The following MYOM1 variants were observed in gnomAD, a reference collection of about 807,000 sequenced individuals.
MYOM1 encodes myomesin-1.
A neutral mutation model predicts 205.3 loss-of-function variants in MYOM1; 164 were observed. The ratio of observed to expected loss-of-function variants is 0.80; its 90% CI spans 0.70 to 0.91. MYOM1 has a LOEUF of 0.91. Among genes scored for constraint, MYOM1 ranks in the 40% least tolerant of loss-of-function variants. The pLI is 0.00. For missense variants in MYOM1, 2,011 were observed against 2,127.3 expected, an observed-to-expected ratio of 0.95 and a Z score of 1.08; for synonymous variants, 772 against 789.4, an observed-to-expected ratio of 0.98 and a Z score of 0.37.
intron 34 of MYOM1, among the ~76,000 whole-genome samples, chr18:3,076,958 C>T (rs1451702852): frequency 1.3e-5 from 2 of 151,486 alleles, no homozygotes; most frequent in African/African-American, 2.4e-5. Context: ...GTGATCCACC[C>T]GCTTTGGCCT....
chr18:3,187,650 A>T lies in MYOM1; in HGVS notation c.772-13T>A. On this transcript the variant is annotated splice_polypyrimidine_tract_variant and intron_variant, in intron 4 of 37. Coordinates refer to ENST00000356443, the MANE Select transcript of MYOM1 (RefSeq NM_003803.4). ...CGGTTTCTTCTAACTGAAAAAACAA[A>T]TATGCAAACAAACATATTACCAAAA... The T allele has an allele frequency of 6.3e-7, 1 of 1,575,232 alleles. No individual in the cohort carries two copies.
intron 2 of MYOM1, among the ~76,000 whole-genome samples, chr18:3,204,828 G>A (rs2081109940): frequency 6.6e-6 from 1 of 152,002 alleles, no homozygotes; most frequent in African/African-American, 2.4e-5. Context: ...TTTTTATAAA[G>A]CAACAGTAGC....
In MYOM1 at chr18:3,135,256, G is replaced by A. The variant is rs2079939015; in HGVS notation, c.2209+291C>T. The A allele has an allele frequency of 3.3e-6, 1 of 306,184 alleles. No homozygotes were observed. The highest frequency in any genetic ancestry group is 2.2e-5 in the African/African-American group (1 of 46,342). The allele number at this position is 306,184 out of a possible 1,614,324, so 19.0% of individuals were successfully genotyped here. A position where few individuals can be genotyped will look rare whatever the true frequency, so the allele number is the denominator to read the frequency against. On this transcript the variant is annotated intron_variant, in intron 15 of 37. Coordinates refer to ENST00000356443, the MANE Select transcript of MYOM1 (RefSeq NM_003803.4). This position sits in a 1 kb window ranked among gnomAD's most constrained non-coding sequence, Gnocchi z 4.1. Reference sequence around the variant, plus strand: ...TGAGCCACCGCGCCTGGCCTACATTGTATTTTTTAAAGCAAAAAATTTTAA... The same window carrying A: ...TGAGCCACCGCGCCTGGCCTACATTATATTTTTTAAAGCAAAAAATTTTAA...
At chr18:3,157,679 A>AT (rs1177866914) in intron 10 of MYOM1, among the ~76,000 whole-genome samples, 3 of 94,168 alleles carry the variant, frequency 3.2e-5, no homozygotes, top group Non-Finnish European at 6.2e-5. Flanking sequence ...CTTGTCTCCA[A>AT]AAATAATAAT....
At chr18:3,232,431 T>C in the MYOM1 span, among the ~76,000 whole-genome samples, 1 of 151,546 alleles carries the variant, frequency 6.6e-6, no homozygotes, top group African/African-American at 2.4e-5. Context: ...AGCAGATCAG[T>C]GGTTGTGTGG....
At chr18:3,172,612 C>T (rs905977315) in intron 8 of MYOM1, among the ~76,000 whole-genome samples, 10 of 152,066 alleles carry the variant, frequency 6.6e-5, no homozygotes, top group Admixed American at 1.3e-4. Flanking sequence ...CCAGTTCAAG[C>T]GATTCTCCTG....
At chr18:3,096,270 C>T (rs1294550486) in intron 25 of MYOM1, among the ~76,000 whole-genome samples, 1 of 152,154 alleles carries the variant, frequency 6.6e-6, no homozygotes, top group African/African-American at 2.4e-5. Flanking sequence ...TGTTCTTCCC[C>T]TCTAAAATCA....
Position 3,119,994 on chromosome 18 carries a change from A to C in MYOM1, c.2993T>G (p.Ile998Ser). 4 of 1,592,818 alleles carry C rather than the reference A, an allele frequency of 2.5e-6. No individual in the cohort carries two copies. The highest frequency in any genetic ancestry group is 3.4e-6 in the Non-Finnish European group (4 of 1,169,052). ...CACCATGTTTTCCTTCAAGTTGCTA[A>C]TCTGCAACATTGACAACATCACAGA... ...VKAVSEEAYKISNLKENMVYQ... is the reference protein window; with the variant it reads ...VKAVSEEAYKSSNLKENMVYQ... Residue 998 changes from isoleucine to serine, a missense_variant and splice_region_variant, in exon 20 of 38, where the codon ATT becomes AGT. By Grantham distance (142) the Ile-to-Ser change is moderately radical. Coordinates refer to ENST00000356443, the MANE Select transcript of MYOM1 (RefSeq NM_003803.4).
chr18:3,083,427 C>CTTTTTCTTTTTTTT (rs2079110162), intron 33 of MYOM1, among the ~76,000 whole-genome samples: 1 of 98,526 alleles, frequency 1.0e-5, no homozygotes, highest in African/African-American at 4.2e-5. Flanking sequence ...TTTTCTTTTT[C>CTTTTTCTTTTTTTT]TTTTTTTTTT....
In MYOM1 at chr18:3,179,479, C is replaced by A. The variant is rs549010309; in HGVS notation, c.930-3345G>T. ...TTGGATGATTTTAAATAAATGCACA[C>A]GAAGAAAGTAAGTTGACAGTCTCAG... On this transcript the variant is annotated intron_variant, in intron 5 of 37. Coordinates refer to ENST00000356443, the MANE Select transcript of MYOM1 (RefSeq NM_003803.4). The surrounding 1 kb of genome is among the most constrained non-coding windows in gnomAD (Gnocchi z 4.4). Among the ~76,000 whole-genome samples the A allele has an allele frequency of 1.3e-5, 2 of 152,084 alleles. No homozygotes were observed. Among genetic ancestry groups the A allele is most frequent in the African/African-American group, 4.8e-5 (2 of 41,396 alleles).
intron 25 of MYOM1, among the ~76,000 whole-genome samples, chr18:3,096,166 C>T (rs892809033): frequency 2.6e-5 from 4 of 152,158 alleles, no homozygotes; most frequent in African/African-American, 7.2e-5. Context: ...AGATAGCCCA[C>T]ATCACAGTCA....
chr18:3,095,245 C>T (rs1191577378), intron 25 of MYOM1, among the ~76,000 whole-genome samples: 5 of 151,922 alleles, frequency 3.3e-5, no homozygotes, highest in Non-Finnish European at 5.9e-5. Context: ...ACCTCGTGTC[C>T]CTCACCTGCT....
At position 3,100,389 on chromosome 18, in the gene MYOM1, A is replaced by G; in HGVS notation, c.3613T>C (p.Leu1205=). 6.2e-7 allele frequency: 1 copy of G among 1,613,946 alleles called. No homozygotes were observed. The highest frequency in any genetic ancestry group is 8.5e-7 in the Non-Finnish European group (1 of 1,179,870). ...MTFKDLGMDD[L]GIYSCDVTDT... ...GTTACATCGCAAGAGTAAATACCCA[A>G]GTCATCCATCCCAAGGTCTTTGAAG... The change falls in exon 24 of 38, where the codon TTG becomes CTG. Residue 1205 remains leucine, a synonymous_variant. Coordinates refer to ENST00000356443, the MANE Select transcript of MYOM1 (RefSeq NM_003803.4).
intron 19 of MYOM1, among the ~76,000 whole-genome samples, chr18:3,124,584 C>T (rs2079751105): frequency 6.6e-6 from 1 of 151,924 alleles, no homozygotes; most frequent in African/African-American, 2.4e-5. Context: ...CTGCCTCGGC[C>T]TCCCAAAGTG....
intron 37 of MYOM1, among the ~76,000 whole-genome samples, chr18:3,067,986 A>G (rs1001458484): frequency 6.6e-6 from 1 of 152,158 alleles, no homozygotes; most frequent in Non-Finnish European, 1.5e-5. Flanking sequence ...AGAGCCGGGC[A>G]GCAGAATCAC....
At chr18:3,154,048 G>A (rs1262981147) in intron 11 of MYOM1, among the ~76,000 whole-genome samples, 1 of 152,022 alleles carries the variant, frequency 6.6e-6, no homozygotes, top group African/African-American at 2.4e-5. Context: ...TTGATTTTTT[G>A]TTGTTACTTC....
chr18:3,227,454 G>A, the MYOM1 span, among the ~76,000 whole-genome samples: 1 of 152,176 alleles, frequency 6.6e-6, no homozygotes, highest in Non-Finnish European at 1.5e-5. Flanking sequence ...GTTGCCAGGG[G>A]CTGGGGAAAG....
intron 8 of MYOM1, among the ~76,000 whole-genome samples, chr18:3,171,327 C>A (rs1042011182): frequency 6.6e-6 from 1 of 152,108 alleles, no homozygotes; most frequent in African/African-American, 2.4e-5. Context: ...TCTTGCACAG[C>A]GCTGGGAGGC....
the MYOM1 span, among the ~76,000 whole-genome samples, chr18:3,233,871 A>C: frequency 1.3e-5 from 2 of 152,254 alleles, no homozygotes; most frequent in Non-Finnish European, 2.9e-5. Flanking sequence ...AAAAAAGTCA[A>C]CATTTCAAGT....
Sources: gnomAD v4.1 joint callset for allele counts (sites outside exome capture counted in the v4.1 genomes callset) on GRCh38, gnomAD v4.1.1 for gene constraint, Gnocchi (gnomAD v3.1) non-coding constraint, MANE v1.5 for transcripts, NCBI Gene and HGNC (gene_info 2026-07-23, HGNC 2026-07-21) for gene names.